PRRX1: variants seen among roughly 807,000 people sequenced by gnomAD.
PRRX1 encodes the protein paired related homeobox 1.
Under a neutral mutation model 24.0 loss-of-function variants are expected in PRRX1, and 8 were observed. The observed-to-expected ratio is 0.33, with a 90% confidence interval of 0.20 to 0.60. The LOEUF is 0.60. Among genes scored for constraint, PRRX1 ranks in the 20% least tolerant of loss-of-function variants. The pLI is 0.82. For synonymous variants in PRRX1, 160 were observed against 131.7 expected, an observed-to-expected ratio of 1.22 and a Z score of -1.47; for missense variants, 281 against 322.4, an observed-to-expected ratio of 0.87 and a Z score of 0.98.
chr1:170,691,662 CTCT>C (rs1653985700), intron 1 of PRRX1, among the ~76,000 whole-genome samples: 1 of 150,692 alleles, frequency 6.6e-6, no homozygotes, highest in African/African-American at 2.4e-5. Context: ...TCACTCTTTC[CTCT>C]TCTCTCTTTC....
chr1:170,676,472 A>G (rs570020435), intron 1 of PRRX1, among the ~76,000 whole-genome samples: 1 of 152,212 alleles, frequency 6.6e-6, no homozygotes, highest in South Asian at 2.1e-4. Flanking sequence ...TCCTTGAAAT[A>G]TAATCATTTC....
intron 1 of PRRX1, among the ~76,000 whole-genome samples, chr1:170,666,711 A>G (rs1201707507): frequency 2.0e-5 from 3 of 152,122 alleles, no homozygotes; most frequent in Non-Finnish European, 4.4e-5. Flanking sequence ...AGCCTAGGGA[A>G]CAAGCCAGCC....
At chr1:170,725,823 T>C (rs1338438725) in intron 2 of PRRX1, among the ~76,000 whole-genome samples, 1 of 152,230 alleles carries the variant, frequency 6.6e-6, no homozygotes, top group South Asian at 2.1e-4. Flanking sequence ...AATTTTCACA[T>C]TTTGAAGAAT....
intron 1 of PRRX1, among the ~76,000 whole-genome samples, chr1:170,696,873 G>A (rs879271522): frequency 6.6e-6 from 1 of 152,126 alleles, no homozygotes. Context: ...AGTTAATTTA[G>A]AACACCAATG....
chr1:170,685,437 A>G (rs1195368414), intron 1 of PRRX1, among the ~76,000 whole-genome samples: 3 of 152,190 alleles, frequency 2.0e-5, no homozygotes. Context: ...TTGTTAGGCC[A>G]TCTGCAAGAC....
intron 1 of PRRX1, among the ~76,000 whole-genome samples, chr1:170,673,651 C>T (rs1305689077): frequency 2.6e-5 from 4 of 152,318 alleles, no homozygotes; most frequent in South Asian, 2.1e-4. Context: ...AAACGTGCTT[C>T]GACCTCAAAA....
At chr1:170,721,187 G>A (rs1418348641) in intron 2 of PRRX1, among the ~76,000 whole-genome samples, 1 of 152,206 alleles carries the variant, frequency 6.6e-6, no homozygotes, top group Non-Finnish European at 1.5e-5. Flanking sequence ...GCCTTTTCAA[G>A]TAGTGCTTTG....
At chr1:170,662,961 T>C (rs1487998113), upstream of PRRX1, 2 of 152,248 alleles carry the variant, frequency 1.3e-5, no homozygotes, top group East Asian at 1.9e-4. Flanking sequence ...CGTGATATTA[T>C]TGCAGGGGAA....
At chr1:170,708,009 T>C (rs1026910316) in intron 1 of PRRX1, among the ~76,000 whole-genome samples, 1 of 152,206 alleles carries the variant, frequency 6.6e-6, no homozygotes, top group African/African-American at 2.4e-5. Context: ...TAACCTTGAT[T>C]ATCTTCCTTT....
At chr1:170,716,069 C>T (rs757489332) in intron 1 of PRRX1, among the ~76,000 whole-genome samples, 2 of 152,278 alleles carry the variant, frequency 1.3e-5, no homozygotes, top group East Asian at 1.9e-4. Flanking sequence ...TTTAACTCAT[C>T]TGTAAAATAA....
intron 1 of PRRX1, among the ~76,000 whole-genome samples, chr1:170,671,312 A>G (rs1653134444): frequency 1.3e-5 from 2 of 152,312 alleles, no homozygotes; most frequent in East Asian, 3.9e-4. Flanking sequence ...TGGGTGGAAG[A>G]GTAATTAACT....
rs918428730 is a variant in PRRX1, at chr1:170,710,377, T to C, written c.242-9349T>C. 3.9e-5 allele frequency among the ~76,000 whole-genome samples: 6 copies of C among 152,326 alleles called. No homozygotes were observed. In the South Asian group the frequency reaches 6.2e-4, roughly 16 times the overall value. ...TAGCCCAACTTACAATTATGCCAGT[T>C]AGGACACTTGAGGGCTAACATCACA... On this transcript the variant is annotated intron_variant, in intron 1 of 3. Coordinates refer to ENST00000239461, the MANE Select transcript of PRRX1 (RefSeq NM_022716.4).
chr1:170,664,731 G>T lies in PRRX1; in HGVS notation c.241+272G>T, dbSNP rs370069450. Among the ~76,000 whole-genome samples, 514 of 152,374 alleles carry T rather than the reference G, an allele frequency of 3.4e-3. 1 individual carries two copies. The highest frequency in any genetic ancestry group is 0.012 in the African/African-American group (493 of 41,592). ...GCGGTCTCAGGCAGGGACTCTGTCC[G>T]CGGCGGACTCTCTTTACTTCGGCTA... is the stretch of plus-strand genomic sequence containing the variant. On this transcript the variant is annotated intron_variant, in intron 1 of 3. Transcript: ENST00000239461.
chr1:170,701,032 C>T (rs1654340257), intron 1 of PRRX1, among the ~76,000 whole-genome samples: 2 of 152,186 alleles, frequency 1.3e-5, no homozygotes, highest in Non-Finnish European at 2.9e-5. Flanking sequence ...TAAAAATCCA[C>T]TTTTAGGAAT....
intron 1 of PRRX1, among the ~76,000 whole-genome samples, chr1:170,702,272 C>T (rs921125438): frequency 7.9e-5 from 12 of 152,278 alleles, no homozygotes; most frequent in African/African-American, 2.9e-4. Context: ...CGGTCCATGG[C>T]TCTGGGGGTT....
intron 2 of PRRX1, among the ~76,000 whole-genome samples, chr1:170,725,706 C>T (rs1181956495): frequency 1.3e-5 from 2 of 152,166 alleles, no homozygotes; most frequent in Admixed American, 6.5e-5. Flanking sequence ...AAATGGTGGT[C>T]TTTGCACCTC....
At chr1:170,713,110 A>G (rs1654800029) in intron 1 of PRRX1, among the ~76,000 whole-genome samples, 1 of 152,168 alleles carries the variant, frequency 6.6e-6, no homozygotes, top group African/African-American at 2.4e-5. Flanking sequence ...TAAATTATGG[A>G]TTCAGGAATA....
intron 1 of PRRX1, among the ~76,000 whole-genome samples, chr1:170,703,595 T>C (rs1654461456): frequency 7.1e-6 from 1 of 141,824 alleles, no homozygotes; most frequent in African/African-American, 2.4e-5. Context: ...TATATAATAG[T>C]GTTTTTTTTT....
At chr1:170,707,086 C>T (rs1267103492) in intron 1 of PRRX1, among the ~76,000 whole-genome samples, 6 of 151,396 alleles carry the variant, frequency 4.0e-5, no homozygotes, top group East Asian at 1.9e-4. Context: ...ATTATGCCAC[C>T]GTACCCCAGC....
Sources: gnomAD v4.1 joint callset for allele counts (sites outside exome capture counted in the v4.1 genomes callset) on GRCh38, gnomAD v4.1.1 for gene constraint, MANE v1.5 for transcripts, NCBI Gene and HGNC (gene_info 2026-07-23, HGNC 2026-07-21) for gene names.